R3HDM2: variants seen among roughly 807,000 people sequenced by gnomAD.
R3HDM2 encodes R3H domain-containing protein 2.
R3HDM2 carries 38 observed loss-of-function variants against 124.5 expected under a neutral mutation model. The ratio of observed to expected loss-of-function variants is 0.31; its 90% confidence interval spans 0.24 to 0.40. R3HDM2 has a LOEUF of 0.40. R3HDM2 is among the 10% of genes least tolerant of loss of function. The pLI is 1.00. For synonymous variants in R3HDM2, 391 were observed against 448.0 expected, an observed-to-expected ratio of 0.87 and a Z score of 1.61; for missense variants, 869 against 1,236.9, an observed-to-expected ratio of 0.70 and a Z score of 4.46.
intron 1 of R3HDM2, among the ~76,000 whole-genome samples, chr12:57,397,093 C>T (rs1429801041): frequency 1.4e-5 from 2 of 147,334 alleles, no homozygotes; most frequent in Non-Finnish European, 3.0e-5. Flanking sequence ...AACTCCATCT[C>T]AAAGAAAAAA....
intron 2 of R3HDM2, among the ~76,000 whole-genome samples, chr12:57,313,064 C>T (rs1011686771): frequency 6.6e-6 from 1 of 151,886 alleles, no homozygotes; most frequent in African/African-American, 2.4e-5. Context: ...TAACTAAAGG[C>T]TACTATAAAA....
intron 2 of R3HDM2, among the ~76,000 whole-genome samples, chr12:57,358,128 G>A (rs1038042136): frequency 2.8e-5 from 4 of 142,948 alleles, no homozygotes; most frequent in Non-Finnish European, 4.5e-5. Flanking sequence ...ACAGGCGCGT[G>A]ACGCTACGCC....
intron 1 of R3HDM2, among the ~76,000 whole-genome samples, chr12:57,399,616 CAATT>C (rs1002269017): frequency 6.6e-6 from 1 of 152,092 alleles, no homozygotes; most frequent in African/African-American, 2.4e-5. Flanking sequence ...GGACCCAAGA[CAATT>C]AATAAAACTT....
intron 2 of R3HDM2, among the ~76,000 whole-genome samples, chr12:57,334,114 T>A (rs2058565319): frequency 6.6e-6 from 1 of 152,148 alleles, no homozygotes; most frequent in Non-Finnish European, 1.5e-5. Context: ...AGGTCATAGT[T>A]AGACTTAGAC....
chr12:57,397,373 C>A (rs1370787427), intron 1 of R3HDM2, among the ~76,000 whole-genome samples: 1 of 152,164 alleles, frequency 6.6e-6, no homozygotes, highest in Non-Finnish European at 1.5e-5. Context: ...TCAAAACACC[C>A]AAGCCCTACT....
intron 1 of R3HDM2, among the ~76,000 whole-genome samples, chr12:57,427,682 A>G (rs1361801851): frequency 6.6e-6 from 1 of 151,972 alleles, no homozygotes. Context: ...ATTAAAATAT[A>G]TAATACGTTA....
intron 2 of R3HDM2, among the ~76,000 whole-genome samples, chr12:57,360,339 A>G (rs1369758419): frequency 2.6e-5 from 4 of 151,980 alleles, no homozygotes; most frequent in South Asian, 2.1e-4. Context: ...CAGTAAATAC[A>G]TTGGGAATTT....
Position 57,396,047 on chromosome 12 carries a change from C to A in R3HDM2, c.-105-229G>T, listed in dbSNP as rs191558112. Among the ~76,000 whole-genome samples the A allele has an allele frequency of 3.5e-4, 54 of 152,262 alleles. No individual in the cohort carries two copies. The South Asian group carries it at 9.7e-3, about 27-fold the overall frequency. ...CATTTTGTTCCTCTCTACATTAACT[C>A]CCTCTTTGTATGAGCAGTTCTTGGC... is the stretch of plus-strand genomic sequence containing the variant. On this transcript the variant is annotated intron_variant, in intron 1 of 23. Coordinates refer to ENST00000402412, the MANE Select transcript of R3HDM2 (RefSeq NM_001394031.1).
At chr12:57,312,358 A>C (rs1175738369) in intron 2 of R3HDM2, among the ~76,000 whole-genome samples, 1 of 144,592 alleles carries the variant, frequency 6.9e-6, no homozygotes, top group Non-Finnish European at 1.5e-5. Context: ...CCCAGGCTGG[A>C]GTGCAGTGAT....
intron 2 of R3HDM2, among the ~76,000 whole-genome samples, chr12:57,381,134 G>A (rs900181549): frequency 6.6e-6 from 1 of 152,164 alleles, no homozygotes; most frequent in Non-Finnish European, 1.5e-5. Flanking sequence ...GGGAGGCGGA[G>A]ACAGGAGAAT....
chr12:57,386,387 G>A (rs563998798), intron 2 of R3HDM2, among the ~76,000 whole-genome samples: 3 of 152,226 alleles, frequency 2.0e-5, no homozygotes, highest in Admixed American at 6.5e-5. Flanking sequence ...GAGTGGGCTC[G>A]GCAGGCTCCG....
intron 12 of R3HDM2, 172 bp downstream of exon 12, chr12:57,288,837 T>G: frequency 6.5e-7 from 1 of 1,530,710 alleles, no homozygotes; most frequent in African/African-American, 1.4e-5. Context: ...AAAGGAGAGA[T>G]ATAGATCACA....
At chr12:57,373,529 G>T (rs2063630961) in intron 2 of R3HDM2, among the ~76,000 whole-genome samples, 1 of 151,636 alleles carries the variant, frequency 6.6e-6, no homozygotes, top group Admixed American at 6.6e-5. Flanking sequence ...AATAATAGAG[G>T]CTGGGCACAG....
intron 2 of R3HDM2, among the ~76,000 whole-genome samples, chr12:57,337,526 G>A (rs1419938125): frequency 6.6e-6 from 1 of 151,994 alleles, no homozygotes; most frequent in Non-Finnish European, 1.5e-5. Context: ...GTCATAAATT[G>A]TATTAAAGCA....
chr12:57,275,958 C>T (rs1165127287), intron 14 of R3HDM2, among the ~76,000 whole-genome samples: 3 of 152,202 alleles, frequency 2.0e-5, no homozygotes, highest in African/African-American at 7.2e-5. Context: ...TGGCTCATGC[C>T]TGTAATCCCA....
intron 2 of R3HDM2, chr12:57,341,106 A>C (rs2059515567): frequency 1.3e-5 from 2 of 152,354 alleles, no homozygotes; most frequent in South Asian, 4.1e-4. Context: ...AAAAATTCCA[A>C]ATCCAAAACT....
chr12:57,393,064 AG>A (rs2066956158), intron 2 of R3HDM2, among the ~76,000 whole-genome samples: 1 of 149,726 alleles, frequency 6.7e-6, no homozygotes. Flanking sequence ...TTGGCCTCCC[AG>A]AGTGCTGGGA....
chr12:57,385,245 C>CT (rs1162752283), intron 2 of R3HDM2, among the ~76,000 whole-genome samples: 2,533 of 139,184 alleles, frequency 0.018, 38 homozygotes, highest in Middle Eastern at 0.064. Context: ...AACTTAAAGA[C>CT]TTTTTTTTTT....
intron 10 of R3HDM2, among the ~76,000 whole-genome samples, chr12:57,294,049 G>A (rs1002145314): frequency 2.2e-4 from 34 of 152,246 alleles, no homozygotes; most frequent in African/African-American, 7.7e-4. Context: ...ACATTTCTTA[G>A]CCTCAGTTTT....
Sources: allele counts gnomAD v4.1 joint callset (sites outside exome capture counted in the v4.1 genomes callset), GRCh38; gene constraint gnomAD v4.1.1; transcripts MANE v1.5; gene names NCBI Gene and HGNC (gene_info 2026-07-23, HGNC 2026-07-21).